MGAT4C: variants seen among roughly 807,000 people sequenced by gnomAD.
The protein encoded by MGAT4C is MGAT4 family member C, also known as alpha-1,3-mannosyl-glycoprotein 4-beta-N-acetylglucosaminyltransferase C.
A neutral mutation model predicts 40.1 loss-of-function variants in MGAT4C; 19 were observed. That is an observed-to-expected ratio of 0.47 (90% CI 0.33 to 0.70). The LOEUF is 0.70. Among genes scored for constraint, MGAT4C ranks in the 30% least tolerant of loss-of-function variants. The probability of loss-of-function intolerance (pLI) is 0.02; values close to 1 mark genes in which losing one functional copy is unlikely to be tolerated. For synonymous variants in MGAT4C, 181 were observed against 187.1 expected (o/e 0.97, Z 0.27); for missense variants, 491 against 563.2 (o/e 0.87, Z 1.30).
intron 1 of MGAT4C, among the ~76,000 whole-genome samples, chr12:86,243,432 G>C (rs542291724): frequency 3.0e-4 from 45 of 152,298 alleles, no homozygotes; most frequent in African/African-American, 1.0e-3. Flanking sequence ...CTCCCCTTGA[G>C]TGTGGGCAGA....
intron 1 of MGAT4C, among the ~76,000 whole-genome samples, chr12:86,783,750 T>C (rs1951884663): frequency 2.0e-5 from 3 of 152,168 alleles, no homozygotes; most frequent in Admixed American, 2.0e-4. Flanking sequence ...TAATCATTTC[T>C]GTGAAAAAAA....
chr12:86,785,275 A>T (rs1951912697), intron 1 of MGAT4C, among the ~76,000 whole-genome samples: 1 of 152,024 alleles, frequency 6.6e-6, no homozygotes, highest in Non-Finnish European at 1.5e-5. Context: ...CCTTGCTCTG[A>T]CACCGAAATA....
chr12:86,154,945 G>C (rs1884746293), intron 1 of MGAT4C, among the ~76,000 whole-genome samples: 1 of 152,102 alleles, frequency 6.6e-6, no homozygotes, highest in Non-Finnish European at 1.5e-5. Context: ...AAATTAAAAA[G>C]TAAGCTATAA....
At chr12:86,598,163 T>C (rs555229272) in intron 2 of MGAT4C, among the ~76,000 whole-genome samples, 53 of 152,328 alleles carry the variant, frequency 3.5e-4, no homozygotes, top group Non-Finnish European at 6.0e-4. Context: ...TGCCAATTTA[T>C]ACATGTTCGT....
intron 1 of MGAT4C, among the ~76,000 whole-genome samples, chr12:86,111,074 A>G (rs1370394341): frequency 6.6e-6 from 1 of 151,774 alleles, no homozygotes; most frequent in African/African-American, 2.4e-5. Context: ...AATTTAATAA[A>G]ATGTTAAAGT....
intron 1 of MGAT4C, among the ~76,000 whole-genome samples, chr12:86,800,672 A>G (rs1952209463): frequency 6.6e-6 from 1 of 151,874 alleles, no homozygotes; most frequent in Non-Finnish European, 1.5e-5. Flanking sequence ...ACTACGTTTA[A>G]CCATAGAAAT....
chr12:85,981,037 T>C (rs1013612037), intron 4 of MGAT4C, among the ~76,000 whole-genome samples: 1 of 152,148 alleles, frequency 6.6e-6, no homozygotes, highest in Non-Finnish European at 1.5e-5. Context: ...TATCTTGAAA[T>C]GTACATAGTA....
chr12:86,002,630 T>C (rs1292411769), intron 2 of MGAT4C, among the ~76,000 whole-genome samples: 2 of 150,248 alleles, frequency 1.3e-5, no homozygotes, highest in African/African-American at 2.4e-5. Context: ...ATTTTATACA[T>C]ATAGGTATAG....
intron 1 of MGAT4C, among the ~76,000 whole-genome samples, chr12:86,820,765 T>G (rs1482632610): frequency 6.6e-6 from 1 of 150,858 alleles, no homozygotes; most frequent in Non-Finnish European, 1.5e-5. Flanking sequence ...TTGAGTTCAG[T>G]GTGAAGGATA....
chr12:86,793,171 G>T (rs1470688897), intron 1 of MGAT4C, among the ~76,000 whole-genome samples: 1 of 151,808 alleles, frequency 6.6e-6, no homozygotes, highest in Non-Finnish European at 1.5e-5. Flanking sequence ...TATTTGATTA[G>T]CAATTATTTT....
intron 3 of MGAT4C, among the ~76,000 whole-genome samples, chr12:86,355,626 CAA>C (rs1165310129): frequency 6.7e-6 from 1 of 150,142 alleles, no homozygotes; most frequent in Non-Finnish European, 1.5e-5. Context: ...TGAAAGAAAA[CAA>C]AAAAAATTGA....
At chr12:86,669,777 G>C (rs771326948) in intron 2 of MGAT4C, among the ~76,000 whole-genome samples, 1 of 152,204 alleles carries the variant, frequency 6.6e-6, no homozygotes, top group African/African-American at 2.4e-5. Context: ...CCATTGCCTA[G>C]GCAGCAAAGA....
At chr12:86,358,876 T>C (rs1045203495) in intron 3 of MGAT4C, among the ~76,000 whole-genome samples, 1 of 152,090 alleles carries the variant, frequency 6.6e-6, no homozygotes, top group Non-Finnish European at 1.5e-5. Flanking sequence ...ACAATAATAA[T>C]AGGACACTTT....
At chr12:86,245,439 G>A (rs1318662107) in intron 1 of MGAT4C, among the ~76,000 whole-genome samples, 2 of 152,038 alleles carry the variant, frequency 1.3e-5, no homozygotes, top group Non-Finnish European at 1.5e-5. Flanking sequence ...CTCCTTTTTT[G>A]AACTTCGTTA....
At chr12:86,693,560 T>A (rs560476547) in intron 2 of MGAT4C, among the ~76,000 whole-genome samples, 154 of 152,286 alleles carry the variant, frequency 1.0e-3, no homozygotes, top group Middle Eastern at 3.4e-3. Context: ...TTATTCTTTT[T>A]TGGTGCAAAT....
chr12:86,704,511 T>G (rs1210989150), intron 2 of MGAT4C, among the ~76,000 whole-genome samples: 1 of 152,152 alleles, frequency 6.6e-6, no homozygotes, highest in East Asian at 1.9e-4. Flanking sequence ...ATGTCTCGGT[T>G]AACTTTATGT....
At chr12:86,197,325 G>A (rs971162988) in intron 1 of MGAT4C, among the ~76,000 whole-genome samples, 1 of 152,016 alleles carries the variant, frequency 6.6e-6, no homozygotes, top group Admixed American at 6.6e-5. Context: ...ATATGTATGT[G>A]TGTATACATA....
At chr12:86,223,646 G>A (rs945493225) in intron 1 of MGAT4C, among the ~76,000 whole-genome samples, 3 of 152,130 alleles carry the variant, frequency 2.0e-5, no homozygotes, top group Non-Finnish European at 2.9e-5. Flanking sequence ...TCACTACTGG[G>A]GGCCTGAGGA....
At chr12:86,021,694 AAACC>A in intron 2 of MGAT4C, among the ~76,000 whole-genome samples, 1 of 152,222 alleles carries the variant, frequency 6.6e-6, no homozygotes, top group East Asian at 1.9e-4. Flanking sequence ...CATATGTAAC[AAACC>A]TGCACGTTGT....
Sources: allele counts gnomAD v4.1 joint callset (sites outside exome capture counted in the v4.1 genomes callset), GRCh38; gene constraint gnomAD v4.1.1; transcripts MANE v1.5; gene names NCBI Gene and HGNC (gene_info 2026-07-23, HGNC 2026-07-21).